The following PDE4D variants were observed in gnomAD, a reference collection of about 807,000 sequenced individuals.
PDE4D encodes the protein 3',5'-cyclic-AMP phosphodiesterase 4D.
Under a neutral mutation model 87.4 loss-of-function variants are expected in PDE4D, and 24 were observed. That is an observed-to-expected ratio of 0.27 (90% CI 0.20 to 0.39). PDE4D has a LOEUF of 0.39. Among genes scored for constraint, PDE4D ranks in the 10% least tolerant of loss-of-function variants. The pLI is 1.00. For synonymous variants in PDE4D, 384 were observed against 383.2 expected (o/e 1.00, Z -0.02); for missense variants, 714 against 1,041.0 (o/e 0.69, Z 4.32).
At chr5:60,256,226 A>G (rs1034433591) in intron 1 of PDE4D, among the ~76,000 whole-genome samples, 1 of 151,864 alleles carries the variant, frequency 6.6e-6, no homozygotes, top group African/African-American at 2.4e-5. Flanking sequence ...GAGTTCCAAA[A>G]TCACATAATC....
Position 60,287,108 on chromosome 5 carries a change from C to T in PDE4D, c.-89-101421G>A, listed in dbSNP as rs576708037. 5.9e-5 allele frequency among the ~76,000 whole-genome samples: 9 copies of T among 152,160 alleles called. No individual in the cohort carries two copies. The East Asian group carries it at 1.7e-3, about 29-fold the overall frequency. On this transcript the variant is annotated intron_variant, in intron 1 of 16. Transcript: ENST00000502484. ...GTAAAAGCAAAATTTAATTATATTC[C>T]GAAAGTCTTTAATCCTTACTGTGTG...
intron 2 of PDE4D, among the ~76,000 whole-genome samples, chr5:60,017,965 C>T (rs1307271196): frequency 2.6e-5 from 4 of 152,156 alleles, no homozygotes; most frequent in Non-Finnish European, 4.4e-5. Flanking sequence ...TCTGTTGTTT[C>T]TTGACCTTTT....
chr5:59,010,827 T>C (rs975608486), intron 6 of PDE4D, among the ~76,000 whole-genome samples: 1 of 152,094 alleles, frequency 6.6e-6, no homozygotes, highest in Non-Finnish European at 1.5e-5. Flanking sequence ...GATCTGAGAA[T>C]GGACACACTG....
At chr5:59,258,328 T>C (rs1168682269) in intron 1 of PDE4D, among the ~76,000 whole-genome samples, 2 of 151,910 alleles carry the variant, frequency 1.3e-5, no homozygotes, top group Non-Finnish European at 2.9e-5. Flanking sequence ...CGGTCCCTCC[T>C]GTGTTCTCTT....
intron 1 of PDE4D, among the ~76,000 whole-genome samples, chr5:59,601,810 G>A (rs1336065384): frequency 6.6e-6 from 1 of 152,034 alleles, no homozygotes; most frequent in Non-Finnish European, 1.5e-5. Context: ...GTGTAAACTA[G>A]CTAACTTGTA....
intron 2 of PDE4D, among the ~76,000 whole-genome samples, chr5:60,103,605 T>G (rs1320115706): frequency 6.6e-6 from 1 of 152,148 alleles, no homozygotes; most frequent in Non-Finnish European, 1.5e-5. Flanking sequence ...GAACTTCATT[T>G]TGTAAGAAGG....
chr5:60,042,784 C>A (rs1045508882), intron 2 of PDE4D, among the ~76,000 whole-genome samples: 1 of 152,118 alleles, frequency 6.6e-6, no homozygotes, highest in African/African-American at 2.4e-5. Flanking sequence ...TCAGAAACCC[C>A]ATCCAAGGGT....
At chr5:59,557,627 A>G (rs939445159) in intron 1 of PDE4D, among the ~76,000 whole-genome samples, 1 of 152,218 alleles carries the variant, frequency 6.6e-6, no homozygotes, top group African/African-American at 2.4e-5. Context: ...GAGTTAATAT[A>G]AGCAGTTCAC....
chr5:59,686,882 C>T (rs573686915), intron 1 of PDE4D, among the ~76,000 whole-genome samples: 2 of 152,116 alleles, frequency 1.3e-5, no homozygotes, highest in South Asian at 2.1e-4. Flanking sequence ...GTCAAATCTT[C>T]AAATGGCATG....
intron 2 of PDE4D, among the ~76,000 whole-genome samples, chr5:60,111,935 A>G (rs1370342394): frequency 6.6e-6 from 1 of 152,006 alleles, no homozygotes; most frequent in Non-Finnish European, 1.5e-5. Flanking sequence ...GATTTAATTC[A>G]TGATTTGAAC....
At chr5:60,461,583 C>T (rs1030438994) in intron 1 of PDE4D, among the ~76,000 whole-genome samples, 1 of 152,204 alleles carries the variant, frequency 6.6e-6, no homozygotes, top group Non-Finnish European at 1.5e-5. Context: ...CAGAGGAAAG[C>T]CTTTCCATTT....
intron 1 of PDE4D, among the ~76,000 whole-genome samples, chr5:59,288,527 A>G (rs1414097743): frequency 2.0e-5 from 3 of 152,080 alleles, no homozygotes; most frequent in Admixed American, 2.0e-4. Flanking sequence ...ATGGGGGTAG[A>G]AAATTTATTC....
At chr5:59,373,371 C>A (rs1353037082) in intron 1 of PDE4D, among the ~76,000 whole-genome samples, 1 of 152,090 alleles carries the variant, frequency 6.6e-6, no homozygotes. Flanking sequence ...ATTAGAATTT[C>A]ATAATGTAAT....
chr5:59,584,941 G>C (rs931424256), intron 1 of PDE4D, among the ~76,000 whole-genome samples: 6 of 152,238 alleles, frequency 3.9e-5, no homozygotes, highest in African/African-American at 1.4e-4. Flanking sequence ...AAAGACTATT[G>C]ATGTAAATTT....
chr5:59,193,832 G>A, intron 2 of PDE4D: 1 of 976,404 alleles, frequency 1.0e-6, no homozygotes, highest in Non-Finnish European at 1.2e-6. Flanking sequence ...TTCCAGCAGT[G>A]GGGCCTGAGT....
intron 1 of PDE4D, among the ~76,000 whole-genome samples, chr5:59,820,491 G>C (rs1226670473): frequency 1.3e-5 from 2 of 152,188 alleles, no homozygotes; most frequent in African/African-American, 4.8e-5. Context: ...GAATCAGACA[G>C]AGCTTATTAC....
rs1310812428 is a variant in PDE4D, at chr5:60,115,089, G to A, written c.42+70468C>T. On this transcript the variant is annotated intron_variant, in intron 2 of 16. Transcript: ENST00000502484. ...TGGCAGATCATATTTTCTATTACCAGAAATCTACACAGTCCAGAGATATTT... is the reference window on the plus strand; with the variant it reads ...TGGCAGATCATATTTTCTATTACCAAAAATCTACACAGTCCAGAGATATTT... Among the ~76,000 whole-genome samples the A allele has an allele frequency of 4.6e-5, 7 of 151,632 alleles. No homozygotes were observed. In the East Asian group the frequency reaches 1.2e-3, roughly 25 times the overall value.
At chr5:60,371,709 G>T (rs1269173189) in intron 1 of PDE4D, among the ~76,000 whole-genome samples, 1 of 152,068 alleles carries the variant, frequency 6.6e-6, no homozygotes, top group Non-Finnish European at 1.5e-5. Flanking sequence ...CCACCATTCT[G>T]ACTTCTAACA....
At chr5:59,547,775 C>G (rs916184868) in intron 1 of PDE4D, among the ~76,000 whole-genome samples, 1 of 152,100 alleles carries the variant, frequency 6.6e-6, no homozygotes, top group Non-Finnish European at 1.5e-5. Context: ...ATAAAGAATT[C>G]TGATTTTCCT....
Sources: allele counts gnomAD v4.1 joint callset (sites outside exome capture counted in the v4.1 genomes callset), GRCh38; gene constraint gnomAD v4.1.1; transcripts MANE v1.5; gene names NCBI Gene and HGNC (gene_info 2026-07-23, HGNC 2026-07-21).